RBFOX1: variants seen among roughly 807,000 people sequenced by gnomAD.
RBFOX1 encodes the protein RNA binding protein fox-1 homolog 1.
RBFOX1 carries 8 observed loss-of-function variants against 57.7 expected under a neutral mutation model. The ratio of observed to expected loss-of-function variants is 0.14; its 90% CI spans 0.08 to 0.25. The LOEUF is 0.25. Ranked by LOEUF, RBFOX1 falls within the 10% of genes least tolerant of loss-of-function variation. The probability of loss-of-function intolerance (pLI) is 1.00; values close to 1 mark genes in which losing one functional copy is unlikely to be tolerated. For missense variants in RBFOX1, 611 were observed against 548.5 expected (o/e 1.11, Z -1.14); for synonymous variants, 326 against 222.4 (o/e 1.47, Z -4.15).
intron 3 of RBFOX1, among the ~76,000 whole-genome samples, chr16:5,614,840 T>G (rs1352658183): frequency 2.0e-5 from 3 of 152,006 alleles, no homozygotes; most frequent in African/African-American, 7.3e-5. Flanking sequence ...ATGCTTATCG[T>G]TTAGAGAAAA....
intron 3 of RBFOX1, among the ~76,000 whole-genome samples, chr16:5,744,821 G>T (rs572295806): frequency 1.1e-4 from 17 of 152,082 alleles, no homozygotes; most frequent in African/African-American, 4.1e-4. Flanking sequence ...GCAGTGGTGC[G>T]ATCTCAGCTC....
Position 6,814,930 on chromosome 16 carries a change from A to C in RBFOX1, c.-16+160280A>C, listed in dbSNP as rs139955452. Among the ~76,000 whole-genome samples the C allele has an allele frequency of 6.0e-3, 908 of 152,296 alleles. 11 individuals are homozygous for C. The highest frequency in any genetic ancestry group is 0.02 in the African/African-American group (823 of 41,566). On this transcript the variant is annotated intron_variant, in intron 3 of 15. Coordinates refer to ENST00000550418, the MANE Select transcript of RBFOX1 (RefSeq NM_018723.4). ...AGAGTAAAATGAAAGCAAGTTTTTT[A>C]AGAAAATACAGGAATAAAAGAATGG...
intron 2 of RBFOX1, among the ~76,000 whole-genome samples, chr16:6,643,728 A>G (rs2098510697): frequency 6.6e-6 from 1 of 152,122 alleles, no homozygotes; most frequent in African/African-American, 2.4e-5. Context: ...CCAATTCCCT[A>G]CACTCTAAAA....
At chr16:6,153,559 G>A (rs964268559) in intron 1 of RBFOX1, among the ~76,000 whole-genome samples, 2 of 151,784 alleles carry the variant, frequency 1.3e-5, no homozygotes, top group African/African-American at 4.8e-5. Flanking sequence ...CCCTTGGGAT[G>A]GAGTCTCCCT....
In RBFOX1 at chr16:6,029,090, A is replaced by AT. The variant is rs1018549827; in HGVS notation, c.-127+9107dup. On this transcript the variant is annotated intron_variant, in intron 1 of 15. Transcript: ENST00000550418. ...CAGACTTCCGAGCTAGTCACTTCTT[A>AT]TTTTTTTTTACCTTGTGGTATTCAG... Among the ~76,000 whole-genome samples, 12 of 151,376 alleles carry AT rather than the reference A, an allele frequency of 7.9e-5. No individual in the cohort carries two copies. In the East Asian group the frequency reaches 1.2e-3, roughly 15 times the overall value.
intron 2 of RBFOX1, among the ~76,000 whole-genome samples, chr16:6,425,947 C>A (rs964399192): frequency 2.0e-5 from 3 of 152,126 alleles, no homozygotes; most frequent in African/African-American, 4.8e-5. Flanking sequence ...GCAACCCCTC[C>A]CCATTTACCC....
rs145047961 is a variant in RBFOX1, at chr16:6,920,619, T to C, written c.-15-131438T>C. 6.3e-3 allele frequency among the ~76,000 whole-genome samples: 958 copies of C among 152,320 alleles called. 4 individuals are homozygous for C. Among genetic ancestry groups the C allele is most frequent in the African/African-American group, 0.021 (885 of 41,560 alleles). ...AGTCTGAAATCAAGATGTGGAGATA[T>C]TAGCTCCTTCTGGAAGCTTTGAGGG... On this transcript the variant is annotated intron_variant, in intron 3 of 15. Coordinates refer to ENST00000550418, the MANE Select transcript of RBFOX1 (RefSeq NM_018723.4).
intron 4 of RBFOX1, among the ~76,000 whole-genome samples, chr16:5,956,024 G>A (rs2059631466): frequency 6.6e-6 from 1 of 152,190 alleles, no homozygotes; most frequent in Non-Finnish European, 1.5e-5. Flanking sequence ...TACTTTGGGA[G>A]CCTGAGGCAG....
At chr16:7,697,559 T>C (rs1343323761) in intron 14 of RBFOX1, among the ~76,000 whole-genome samples, 1 of 152,212 alleles carries the variant, frequency 6.6e-6, no homozygotes, top group Non-Finnish European at 1.5e-5. Flanking sequence ...TGATAAACTA[T>C]ATATGCATGT....
intron 2 of RBFOX1, among the ~76,000 whole-genome samples, chr16:6,505,976 A>G (rs1395826242): frequency 6.6e-6 from 1 of 152,158 alleles, no homozygotes; most frequent in African/African-American, 2.4e-5. Flanking sequence ...AGGAAATCAC[A>G]TCATCACAAT....
At chr16:5,651,069 T>TTTTTTTC (rs2049223554) in intron 3 of RBFOX1, among the ~76,000 whole-genome samples, 1 of 118,822 alleles carries the variant, frequency 8.4e-6, no homozygotes, top group Non-Finnish European at 1.7e-5. Flanking sequence ...TTTTTTTTTT[T>TTTTTTTC]TGAGACAGGG....
chr16:7,062,119 T>C (rs1321523538), intron 4 of RBFOX1, among the ~76,000 whole-genome samples: 1 of 151,696 alleles, frequency 6.6e-6, no homozygotes, highest in South Asian at 2.1e-4. Context: ...AGATCGAGAC[T>C]ATCCTGGCTA....
chr16:7,623,914 A>G (rs1596706645), intron 10 of RBFOX1, among the ~76,000 whole-genome samples: 1 of 152,178 alleles, frequency 6.6e-6, no homozygotes, highest in African/African-American at 2.4e-5. Context: ...ACTTAATTAC[A>G]GCTTTAAAGA....
chr16:6,442,518 C>T (rs996897316), intron 2 of RBFOX1, among the ~76,000 whole-genome samples: 1 of 151,732 alleles, frequency 6.6e-6, no homozygotes, highest in African/African-American at 2.4e-5. Context: ...GATCACACCA[C>T]TGCACTCCAG....
intron 11 of RBFOX1, among the ~76,000 whole-genome samples, chr16:7,650,610 C>T (rs1010613439): frequency 1.3e-5 from 2 of 152,184 alleles, no homozygotes; most frequent in African/African-American, 4.8e-5. Flanking sequence ...TATATCTCAA[C>T]ATCTAAATCC....
At chr16:7,544,341 G>C (rs186034165) in intron 5 of RBFOX1, among the ~76,000 whole-genome samples, 2 of 152,182 alleles carry the variant, frequency 1.3e-5, no homozygotes, top group East Asian at 3.8e-4. Flanking sequence ...TTAATGTACT[G>C]AGTGAATTAG....
intron 1 of RBFOX1, among the ~76,000 whole-genome samples, chr16:6,224,312 A>G (rs190879657): frequency 9.9e-5 from 15 of 151,978 alleles, no homozygotes; most frequent in African/African-American, 2.7e-4. Context: ...GGCCATTTTC[A>G]CGATATTGAT....
intron 4 of RBFOX1, among the ~76,000 whole-genome samples, chr16:7,485,736 C>T (rs902018595): frequency 2.0e-5 from 3 of 152,154 alleles, no homozygotes; most frequent in Non-Finnish European, 2.9e-5. Context: ...AATGTATGTA[C>T]ATATATGTAT....
chr16:7,370,739 C>G (rs969005244), intron 4 of RBFOX1, among the ~76,000 whole-genome samples: 1 of 152,058 alleles, frequency 6.6e-6, no homozygotes, highest in African/African-American at 2.4e-5. Context: ...GTTTAGGTAC[C>G]CGAGGTTTTG....
Sources: gnomAD v4.1 joint callset for allele counts (sites outside exome capture counted in the v4.1 genomes callset) on GRCh38, gnomAD v4.1.1 for gene constraint, MANE v1.5 for transcripts, NCBI Gene and HGNC (gene_info 2026-07-23, HGNC 2026-07-21) for gene names.